Variants in WFDC11 observed in about 807,000 individuals in gnomAD.
The protein encoded by WFDC11 is protein WFDC11.
Under a neutral mutation model 9.9 loss-of-function variants are expected in WFDC11, and 9 were observed. The ratio of observed to expected loss-of-function variants is 0.91; its 90% CI spans 0.55 to 1.58. WFDC11 has a LOEUF of 1.58. Ranked by LOEUF, WFDC11 falls within the 40% of genes most tolerant of loss-of-function variation. WFDC11 has a pLI of 0.00. For synonymous variants in WFDC11, 32 were observed against 33.3 expected (o/e 0.96, Z 0.13); for missense variants, 106 against 101.7 (o/e 1.04, Z -0.18).
chr20:45,666,034 T>G (rs2036726582), intron 2 of WFDC11, among the ~76,000 whole-genome samples: 2 of 152,142 alleles, frequency 1.3e-5, no homozygotes, highest in African/African-American at 4.8e-5. Context: ...ACAGTGGTGG[T>G]GACTATAGAG....
intron 1 of WFDC11, among the ~76,000 whole-genome samples, chr20:45,667,458 G>A (rs1483718787): frequency 6.7e-6 from 1 of 148,780 alleles, no homozygotes; most frequent in Non-Finnish European, 1.5e-5. Flanking sequence ...AGTGGAAGGA[G>A]GATCTACATA....
In WFDC11 at chr20:45,666,561, G is replaced by A. The variant is rs139227750; in HGVS notation, c.-52+527C>T. On this transcript the variant is annotated intron_variant, in intron 2 of 4. Transcript: ENST00000324384. ...GTTCCTATTCGGCCATCTTGGAGCC[G>A]CCTCCTCCATGAGTATTTCTTATCA... Among the ~76,000 whole-genome samples the A allele has an allele frequency of 8.7e-4, 132 of 152,104 alleles. No individual in the cohort carries two copies. In the East Asian group the frequency reaches 9.3e-3, roughly 11 times the overall value.
intron 2 of WFDC11, among the ~76,000 whole-genome samples, chr20:45,651,644 C>T (rs1982808495): frequency 6.6e-6 from 1 of 152,164 alleles, no homozygotes; most frequent in Non-Finnish European, 1.5e-5. Flanking sequence ...AAGGCATTGC[C>T]TCACCTGGGA....
intron 2 of WFDC11, among the ~76,000 whole-genome samples, chr20:45,651,344 T>C (rs79999692): frequency 6.6e-6 from 1 of 152,382 alleles, no homozygotes; most frequent in African/African-American, 2.4e-5. Context: ...GTACAAATCG[T>C]ACTTTCAGTA....
At chr20:45,650,712 G>A (rs940298323) in intron 2 of WFDC11, 61 bp from the exon 3 acceptor site, 18 of 867,218 alleles carry the variant, frequency 2.1e-5, no homozygotes, top group African/African-American at 1.0e-4. Context: ...AGTGCTTGTC[G>A]AATTTCTTCA....
chr20:45,648,580 A>G lies in WFDC11; in HGVS notation c.*139T>C. ...AAGGCCACTACTGGTAAATAAGTTTATTTGTCAAGTGTTTGCTGTTGTCCA... is the reference window on the plus strand; with the variant it reads ...AAGGCCACTACTGGTAAATAAGTTTGTTTGTCAAGTGTTTGCTGTTGTCCA... On this transcript the variant is annotated 3_prime_UTR_variant, in exon 5 of 5. Coordinates refer to ENST00000324384, the MANE Select transcript of WFDC11 (RefSeq NM_147197.2). The G allele has an allele frequency of 1.1e-6, 1 of 892,434 alleles. No homozygotes were observed. Among genetic ancestry groups the G allele is most frequent in the South Asian group, 1.7e-5 (1 of 59,844 alleles). 55.3% of individuals were successfully genotyped at this position (892,434 alleles called of 1,614,324 possible).
intron 2 of WFDC11, among the ~76,000 whole-genome samples, chr20:45,666,203 C>T (rs945106242): frequency 6.6e-6 from 1 of 152,256 alleles, no homozygotes; most frequent in Non-Finnish European, 1.5e-5. Context: ...GTGAGCAAGG[C>T]TCCGTGGGTG....
At chr20:45,656,159 C>T (rs1356359212) in intron 2 of WFDC11, among the ~76,000 whole-genome samples, 3 of 152,060 alleles carry the variant, frequency 2.0e-5, no homozygotes, top group Middle Eastern at 3.2e-3. Context: ...AAGCTGGAGG[C>T]ATCACGTTAC....
intron 3 of WFDC11, 147 bp from the exon 4 acceptor site, chr20:45,649,546 C>A: frequency 1.1e-6 from 1 of 921,950 alleles, no homozygotes; most frequent in East Asian, 2.5e-5. Context: ...AGGGAATTGC[C>A]TTCATGAGCC....
At chr20:45,663,318 T>G (rs1227536478) in intron 2 of WFDC11, among the ~76,000 whole-genome samples, 1 of 152,202 alleles carries the variant, frequency 6.6e-6, no homozygotes, top group Non-Finnish European at 1.5e-5. Flanking sequence ...TCTCTTTTTT[T>G]CTTTATTTGT....
chr20:45,649,301 T>C lies in WFDC11; in HGVS notation c.199A>G (p.Thr67Ala). 6.2e-7 allele frequency: 1 copy of C among 1,614,180 alleles called. No individual in the cohort carries two copies. Among genetic ancestry groups the C allele is most frequent in the Non-Finnish European group, 8.5e-7 (1 of 1,180,034 alleles). ...TTTCCACAATAGGTCCAGCAGCATG[T>C]GTAATTTTTGTCTTTACATCTAAAG... Reference protein sequence around the residue: ...KAFRCKDKNYTCCWTYCGNIC... With the variant: ...KAFRCKDKNYACCWTYCGNIC... Residue 67 changes from threonine to alanine, a missense_variant, in exon 4 of 5, where the codon ACA becomes GCA. Thr to Ala is a moderately conservative substitution (Grantham distance 58). Coordinates refer to ENST00000324384, the MANE Select transcript of WFDC11 (RefSeq NM_147197.2).
chr20:45,659,742 C>T (rs1025593978), intron 2 of WFDC11, among the ~76,000 whole-genome samples: 1 of 152,274 alleles, frequency 6.6e-6, no homozygotes, highest in Admixed American at 6.5e-5. Context: ...TCAATTTTGG[C>T]TTTTGCTGCC....
rs187236818 is a variant in WFDC11 at position 45,659,728 on chromosome 20, T to C, written c.-52+7360A>G. Among the ~76,000 whole-genome samples, 12 of 152,332 alleles carry C rather than the reference T, an allele frequency of 7.9e-5. No homozygotes were observed. The East Asian group carries it at 2.3e-3, about 29-fold the overall frequency. On this transcript the variant is annotated intron_variant, in intron 2 of 4. Transcript: ENST00000324384. ...AGCTCTTTAGTTTAATTAGATCCCATTTGTCAATTTTGGCTTTTGCTGCCA... is the reference window on the plus strand; with the variant it reads ...AGCTCTTTAGTTTAATTAGATCCCACTTGTCAATTTTGGCTTTTGCTGCCA...
At chr20:45,662,733 TGA>T (rs1568663814) in intron 2 of WFDC11, among the ~76,000 whole-genome samples, 8 of 152,152 alleles carry the variant, frequency 5.3e-5, no homozygotes, top group African/African-American at 1.9e-4. Flanking sequence ...TATTGATTTG[TGA>T]ATGTTGAACC....
intron 2 of WFDC11, among the ~76,000 whole-genome samples, chr20:45,660,479 T>A (rs1983031359): frequency 6.6e-6 from 1 of 152,108 alleles, no homozygotes; most frequent in African/African-American, 2.4e-5. Context: ...GTTAGTTACA[T>A]ATGTATACAT....
chr20:45,658,040 CTA>C (rs984931819), intron 2 of WFDC11, among the ~76,000 whole-genome samples: 4 of 151,902 alleles, frequency 2.6e-5, no homozygotes, highest in Admixed American at 2.6e-4. Flanking sequence ...TTTTTGAAAA[CTA>C]TTAAGATATA....
At position 45,648,743 on chromosome 20, in the gene WFDC11, T is replaced by TA; in HGVS notation, c.244-5dup. 1 of 1,614,072 alleles carries TA rather than the reference T, an allele frequency of 6.2e-7. No individual in the cohort carries two copies. The highest frequency in any genetic ancestry group is 8.5e-7 in the Non-Finnish European group (1 of 1,179,956). ...TTTAGTAATCTCCACTGGTTTCCTG[T>TA]AAAACAAAAAGGTTAGATTTTTAGA... is the stretch of plus-strand genomic sequence containing the variant. On this transcript the variant is annotated splice_polypyrimidine_tract_variant and splice_region_variant and intron_variant, in intron 4 of 4. Coordinates refer to ENST00000324384, the MANE Select transcript of WFDC11 (RefSeq NM_147197.2).
Position 45,656,675 on chromosome 20 carries a change from G to T in WFDC11, c.-51-6024C>A, listed in dbSNP as rs192303004. ...ACCTACAGAACGGGAGAAAATTTTT[G>T]CAATCTACCCATCTGACAAAGGGCT... On this transcript the variant is annotated intron_variant, in intron 2 of 4. Coordinates refer to ENST00000324384, the MANE Select transcript of WFDC11 (RefSeq NM_147197.2). 3.1e-3 allele frequency among the ~76,000 whole-genome samples: 468 copies of T among 151,974 alleles called. 1 individual carries two copies. The highest frequency in any genetic ancestry group is 0.011 in the African/African-American group (448 of 41,440).
At chr20:45,666,598 A>G (rs1983193593) in intron 2 of WFDC11, among the ~76,000 whole-genome samples, 1 of 152,204 alleles carries the variant, frequency 6.6e-6, no homozygotes, top group Non-Finnish European at 1.5e-5. Context: ...CCTGAGCCTT[A>G]TCTTACATGA....
Sources: allele counts gnomAD v4.1 joint callset (sites outside exome capture counted in the v4.1 genomes callset), GRCh38; gene constraint gnomAD v4.1.1; transcripts MANE v1.5; gene names NCBI Gene and HGNC (gene_info 2026-07-23, HGNC 2026-07-21).